The following NCOA2 variants were observed in gnomAD, a reference collection of about 807,000 sequenced individuals.
NCOA2 encodes nuclear receptor coactivator 2.
In NCOA2, 21 loss-of-function variants were observed where a neutral mutation model predicts 145.1. That is an observed-to-expected ratio of 0.14 (90% CI 0.10 to 0.21). The LOEUF (loss-of-function observed/expected upper bound fraction) is 0.21. Ranked by LOEUF, NCOA2 falls within the 10% of genes least tolerant of loss-of-function variation. The pLI is 1.00. For missense variants in NCOA2, 1,472 were observed against 1,837.6 expected (o/e 0.80, Z 3.64); for synonymous variants, 619 against 637.5 (o/e 0.97, Z 0.44).
intron 2 of NCOA2, among the ~76,000 whole-genome samples, chr8:70,263,951 G>A (rs1467222551): frequency 2.6e-5 from 4 of 152,162 alleles, no homozygotes; most frequent in Non-Finnish European, 5.9e-5. Context: ...GGTGGCTCAT[G>A]CCTATAATCC....
At position 70,187,929 on chromosome 8, in the gene NCOA2, T is replaced by C. The variant is rs375934018; in HGVS notation, c.260-13070A>G. ...AAGACTTCAGAAAAGTTCTACCCAA[T>C]GGCATTTTTCCCCCAGTGGCAGTTT... On this transcript the variant is annotated intron_variant, in intron 4 of 22. Coordinates refer to ENST00000452400, the MANE Select transcript of NCOA2 (RefSeq NM_006540.4). 4.6e-5 allele frequency among the ~76,000 whole-genome samples: 7 copies of C among 152,216 alleles called. No homozygotes were observed. In the East Asian group the frequency reaches 7.7e-4, roughly 17 times the overall value.
chr8:70,146,966 C>T (rs186409190), intron 12 of NCOA2, among the ~76,000 whole-genome samples: 5 of 152,290 alleles, frequency 3.3e-5, no homozygotes, highest in African/African-American at 1.2e-4. Flanking sequence ...GCTGGGATTA[C>T]AGGCACGTGC....
chr8:70,280,902 T>A (rs1236779868), intron 2 of NCOA2, among the ~76,000 whole-genome samples: 2 of 151,840 alleles, frequency 1.3e-5, no homozygotes, highest in African/African-American at 4.8e-5. Context: ...ATCTTAAGAA[T>A]GGGAGGCCAG....
intron 2 of NCOA2, among the ~76,000 whole-genome samples, chr8:70,247,011 C>A (rs1357456947): frequency 1.3e-5 from 2 of 152,056 alleles, no homozygotes; most frequent in Non-Finnish European, 2.9e-5. Flanking sequence ...GTTATCTATA[C>A]AAAAAATTCT....
chr8:70,160,955 G>C (rs892769355), intron 9 of NCOA2, among the ~76,000 whole-genome samples: 1 of 152,102 alleles, frequency 6.6e-6, no homozygotes, highest in African/African-American at 2.4e-5. Flanking sequence ...ATTTCCAATG[G>C]CTTATAATTT....
At chr8:70,284,318 C>G (rs1826089702) in intron 2 of NCOA2, among the ~76,000 whole-genome samples, 1 of 152,174 alleles carries the variant, frequency 6.6e-6, no homozygotes, top group African/African-American at 2.4e-5. Context: ...TATTCTCCCT[C>G]TAAAAGGAGG....
chr8:70,228,852 A>G (rs544697237), intron 2 of NCOA2, among the ~76,000 whole-genome samples: 11 of 152,318 alleles, frequency 7.2e-5, no homozygotes, highest in Admixed American at 7.2e-4. Context: ...AATTGATAAT[A>G]ATCCATCAAG....
At chr8:70,195,550 T>C (rs1453608900) in intron 4 of NCOA2, among the ~76,000 whole-genome samples, 1 of 152,182 alleles carries the variant, frequency 6.6e-6, no homozygotes, top group Non-Finnish European at 1.5e-5. Context: ...CCTCTGAAAA[T>C]GTACAATATA....
chr8:70,424,275 C>T, the NCOA2 span: 2 of 385,254 alleles, frequency 5.2e-6, no homozygotes, highest in Non-Finnish European at 1.0e-5. Flanking sequence ...GCTTGTTATC[C>T]AGATCATTCG....
At chr8:70,327,306 A>C (rs1292139947) in intron 1 of NCOA2, among the ~76,000 whole-genome samples, 2 of 152,234 alleles carry the variant, frequency 1.3e-5, no homozygotes, top group South Asian at 4.1e-4. Context: ...ACTCAACAGA[A>C]AGCAAGAATG....
intron 4 of NCOA2, among the ~76,000 whole-genome samples, chr8:70,186,579 G>A (rs1816093634): frequency 6.6e-6 from 1 of 152,198 alleles, no homozygotes. Flanking sequence ...ATTCTGCGAA[G>A]TAAAGTCTGG....
intron 1 of NCOA2, among the ~76,000 whole-genome samples, chr8:70,310,482 C>CTA (rs1828235446): frequency 1.3e-5 from 2 of 151,848 alleles, no homozygotes; most frequent in South Asian, 2.1e-4. Flanking sequence ...CTTTAGTTAA[C>CTA]TATAGTATAT....
intron 1 of NCOA2, among the ~76,000 whole-genome samples, chr8:70,351,493 T>C (rs1017658503): frequency 1.3e-5 from 2 of 152,064 alleles, no homozygotes; most frequent in African/African-American, 4.8e-5. Context: ...GAGTATATAA[T>C]TTACACATGA....
chr8:70,441,059 GAGAA>G, the NCOA2 span, among the ~76,000 whole-genome samples: 7 of 120,914 alleles, frequency 5.8e-5, no homozygotes, highest in South Asian at 1.4e-3. Context: ...AAAAGAAAGA[GAGAA>G]AGAAAGAAGA....
chr8:70,129,441 G>A (rs1036788104), intron 16 of NCOA2, among the ~76,000 whole-genome samples: 1 of 152,102 alleles, frequency 6.6e-6, no homozygotes, highest in Admixed American at 6.5e-5. Flanking sequence ...TCCTGATTTT[G>A]TAGCTTAAAA....
At chr8:70,434,374 T>C in the NCOA2 span, among the ~76,000 whole-genome samples, 2 of 152,170 alleles carry the variant, frequency 1.3e-5, no homozygotes, top group African/African-American at 2.4e-5. Flanking sequence ...ACTGACACAT[T>C]CTAGCAGACT....
At chr8:70,270,770 C>G (rs181689050) in intron 2 of NCOA2, among the ~76,000 whole-genome samples, 1 of 152,304 alleles carries the variant, frequency 6.6e-6, no homozygotes, top group African/African-American at 2.4e-5. Flanking sequence ...AAAGAAACTT[C>G]CATTTACTTT....
chr8:70,326,047 C>A (rs1806526801), intron 1 of NCOA2, among the ~76,000 whole-genome samples: 1 of 152,190 alleles, frequency 6.6e-6, no homozygotes, highest in African/African-American at 2.4e-5. Flanking sequence ...GCCAAAAACA[C>A]TGAGTTACAG....
At chr8:70,439,354 A>T in the NCOA2 span, among the ~76,000 whole-genome samples, 1 of 152,152 alleles carries the variant, frequency 6.6e-6, no homozygotes, top group Non-Finnish European at 1.5e-5. Flanking sequence ...GCAGTGCCCC[A>T]CAGTACCTGG....
Sources: allele counts gnomAD v4.1 joint callset (sites outside exome capture counted in the v4.1 genomes callset), GRCh38; gene constraint gnomAD v4.1.1; transcripts MANE v1.5; gene names NCBI Gene and HGNC (gene_info 2026-07-23, HGNC 2026-07-21).